NEDD4L: variants seen among roughly 807,000 people sequenced by gnomAD.
NEDD4L encodes E3 ubiquitin-protein ligase NEDD4-like.
A neutral mutation model predicts 148.9 loss-of-function variants in NEDD4L; 54 were observed. That is an observed-to-expected ratio of 0.36 (90% confidence interval 0.29 to 0.45). NEDD4L has a LOEUF of 0.45. Ranked by LOEUF, NEDD4L falls within the 20% of genes least tolerant of loss-of-function variation. The pLI, the probability that NEDD4L is intolerant of heterozygous loss-of-function variation, is 1.00. For missense variants in NEDD4L, 856 were observed against 1,233.8 expected (o/e 0.69, Z 4.59); for synonymous variants, 433 against 440.7 (o/e 0.98, Z 0.22).
At chr18:58,212,635 T>C (rs2042709203) in intron 2 of NEDD4L, among the ~76,000 whole-genome samples, 1 of 152,126 alleles carries the variant, frequency 6.6e-6, no homozygotes, top group Non-Finnish European at 1.5e-5. Flanking sequence ...TCAGCTACCA[T>C]GCCTAGCCAA....
chr18:58,126,486 A>G (rs2031121885), intron 1 of NEDD4L, among the ~76,000 whole-genome samples: 1 of 152,216 alleles, frequency 6.6e-6, no homozygotes, highest in Admixed American at 6.5e-5. Context: ...TATGGCAGAT[A>G]ATAGCCCATT....
At chr18:58,047,460 T>C in intron 1 of NEDD4L, 1 of 984,406 alleles carries the variant, frequency 1.0e-6, no homozygotes. Flanking sequence ...AGCACAGGGC[T>C]TAGGTGCTGT....
chr18:58,189,703 G>T (rs185903861), intron 2 of NEDD4L: 1 of 152,212 alleles, frequency 6.6e-6, no homozygotes, highest in Non-Finnish European at 1.5e-5. Context: ...CTCGTCTGTT[G>T]TAACTAATGG....
At position 58,178,977 on chromosome 18, in the gene NEDD4L, C is replaced by T. The variant is rs559532663; in HGVS notation, c.122+13116C>T. Among the ~76,000 whole-genome samples, 9 of 151,982 alleles carry T rather than the reference C, an allele frequency of 5.9e-5. No individual in the cohort carries two copies. In the South Asian group the frequency reaches 8.3e-4, roughly 14 times the overall value. On this transcript the variant is annotated intron_variant, in intron 2 of 30. Coordinates refer to ENST00000400345, the MANE Select transcript of NEDD4L (RefSeq NM_001144967.3). ...AACTAGGCTAGTCTTACAGCTTTAT[C>T]GCAGTTTTGTTTTTTTTCCTAGTAG... is the stretch of plus-strand genomic sequence containing the variant.
intron 22 of NEDD4L, 107 bp downstream of exon 22, chr18:58,367,974 CAT>C: frequency 8.2e-7 from 1 of 1,213,482 alleles, no homozygotes; most frequent in Non-Finnish European, 1.2e-6. Flanking sequence ...CTGGTTTACT[CAT>C]AAAGTATTTT....
intron 25 of NEDD4L, among the ~76,000 whole-genome samples, chr18:58,385,242 A>G (rs138857997): frequency 1.3e-5 from 2 of 152,346 alleles, no homozygotes; most frequent in East Asian, 3.9e-4. Flanking sequence ...CATTTAAAGC[A>G]TTTTAAAGCA....
At chr18:58,288,965 G>A (rs1345110063) in intron 5 of NEDD4L, among the ~76,000 whole-genome samples, 1 of 152,112 alleles carries the variant, frequency 6.6e-6, no homozygotes, top group East Asian at 1.9e-4. Context: ...AAAAGGAAAG[G>A]CCTGAGTTTA....
At chr18:58,389,532 A>G (rs1449133252) in intron 28 of NEDD4L, 1 of 200,800 alleles carries the variant, frequency 5.0e-6, no homozygotes, top group Non-Finnish European at 1.0e-5. Context: ...GGCTTCAGGG[A>G]TGGCTTTGCA....
chr18:58,316,400 C>G (rs1481720130), intron 6 of NEDD4L, among the ~76,000 whole-genome samples: 1 of 152,218 alleles, frequency 6.6e-6, no homozygotes, highest in African/African-American at 2.4e-5. Context: ...CTCCGGGTCC[C>G]ATCAGATGTT....
Position 58,256,156 on chromosome 18 carries a change from C to T in NEDD4L, c.297+4102C>T, listed in dbSNP as rs776180139. The T allele has an allele frequency of 4.2e-4, 511 of 1,220,068 alleles. No homozygotes were observed. Among genetic ancestry groups the T allele is most frequent in the Non-Finnish European group, 5.1e-4 (502 of 980,718 alleles). The allele number at this position is 1,220,068 out of a possible 1,614,324, so 75.6% of individuals were successfully genotyped here. A position where few individuals can be genotyped will look rare whatever the true frequency, so the allele number is the denominator to read the frequency against. On this transcript the variant is annotated intron_variant, in intron 5 of 30. Transcript: ENST00000400345. The surrounding 1 kb of genome is among the most constrained non-coding windows in gnomAD (Gnocchi z 5.2). ...TCCAGGTCAACGGCACGTGCGGCCG[C>T]CGCGTGCGGTGCTCCGGCCCCGTGG... is the stretch of plus-strand genomic sequence containing the variant.
chr18:58,195,830 C>A, intron 2 of NEDD4L: 2 of 717,712 alleles, frequency 2.8e-6, no homozygotes, highest in Non-Finnish European at 4.4e-6. Flanking sequence ...AGCTTTAACC[C>A]AAATGTGCAG....
chr18:58,140,698 C>G (rs1331060109), intron 1 of NEDD4L, among the ~76,000 whole-genome samples: 1 of 152,208 alleles, frequency 6.6e-6, no homozygotes, highest in Non-Finnish European at 1.5e-5. Flanking sequence ...GTGTTTCTCT[C>G]AGAGGAGGAG....
chr18:58,173,697 C>T (rs1026375940), intron 2 of NEDD4L, among the ~76,000 whole-genome samples: 2 of 152,106 alleles, frequency 1.3e-5, no homozygotes, highest in South Asian at 4.1e-4. Flanking sequence ...CGTTTAGTTC[C>T]TAAATACTTC....
At chr18:58,332,673 A>G (rs146874768) in intron 11 of NEDD4L, among the ~76,000 whole-genome samples, 197 of 152,240 alleles carry the variant, frequency 1.3e-3, no homozygotes, top group African/African-American at 4.6e-3. Context: ...ACAGTAACCA[A>G]TGTGGGAAGA....
intron 1 of NEDD4L, among the ~76,000 whole-genome samples, chr18:58,147,714 G>A (rs978566410): frequency 6.6e-6 from 1 of 152,152 alleles, no homozygotes; most frequent in African/African-American, 2.4e-5. Flanking sequence ...TCGTATGTGT[G>A]TATTTGCCGA....
At chr18:58,378,044 C>G (rs2047803471) in intron 24 of NEDD4L, among the ~76,000 whole-genome samples, 1 of 152,164 alleles carries the variant, frequency 6.6e-6, no homozygotes, top group African/African-American at 2.4e-5. Context: ...CGTGCTTGGC[C>G]TGATTTGATT....
At chr18:58,135,490 C>A (rs932156795) in intron 1 of NEDD4L, among the ~76,000 whole-genome samples, 2 of 152,286 alleles carry the variant, frequency 1.3e-5, no homozygotes, top group Non-Finnish European at 2.9e-5. Context: ...TGTAAATTAA[C>A]CTTGACATGT....
intron 5 of NEDD4L, among the ~76,000 whole-genome samples, chr18:58,304,478 C>T (rs999324543): frequency 6.6e-6 from 1 of 152,084 alleles, no homozygotes; most frequent in Non-Finnish European, 1.5e-5. Context: ...TGTGACACTG[C>T]ACTTCAGCCT....
intron 1 of NEDD4L, among the ~76,000 whole-genome samples, chr18:58,156,136 C>T (rs1195750924): frequency 6.6e-6 from 1 of 152,198 alleles, no homozygotes; most frequent in Non-Finnish European, 1.5e-5. Flanking sequence ...TTATGTAGTT[C>T]TTCTCTTCCT....
Sources: allele counts gnomAD v4.1 joint callset (sites outside exome capture counted in the v4.1 genomes callset), GRCh38; gene constraint gnomAD v4.1.1; non-coding constraint Gnocchi (gnomAD v3.1); transcripts MANE v1.5; gene names NCBI Gene and HGNC (gene_info 2026-07-23, HGNC 2026-07-21).